The following CCSER1 variants were observed in gnomAD, a reference collection of about 807,000 sequenced individuals.
CCSER1 encodes serine-rich coiled-coil domain-containing protein 1.
CCSER1 carries 41 observed loss-of-function variants against 82.0 expected under a neutral mutation model. That is an observed-to-expected ratio of 0.50 (90% confidence interval 0.39 to 0.65). The LOEUF (loss-of-function observed/expected upper bound fraction) is 0.65, where lower values mean the gene tolerates loss of function less well. CCSER1 is among the 30% of genes least tolerant of loss of function. The probability of loss-of-function intolerance (pLI) is 0.00; values close to 1 mark genes in which losing one functional copy is unlikely to be tolerated. For missense variants in CCSER1, 1,119 were observed against 1,064.2 expected (o/e 1.05, Z -0.72); for synonymous variants, 414 against 383.9 (o/e 1.08, Z -0.92).
At chr4:91,006,991 CAT>C (rs1331456205) in intron 9 of CCSER1, among the ~76,000 whole-genome samples, 14 of 152,252 alleles carry the variant, frequency 9.2e-5, no homozygotes, top group Non-Finnish European at 1.6e-4. Context: ...CATGAGAAAA[CAT>C]AGAATTTTCT....
intron 3 of CCSER1, among the ~76,000 whole-genome samples, chr4:90,313,942 C>A (rs1267793279): frequency 6.6e-6 from 1 of 152,064 alleles, no homozygotes; most frequent in Non-Finnish European, 1.5e-5. Flanking sequence ...GAAAAATGCT[C>A]AAAAATAAAT....
chr4:91,211,565 C>A (rs891571861), intron 10 of CCSER1, among the ~76,000 whole-genome samples: 4 of 151,982 alleles, frequency 2.6e-5, no homozygotes. Context: ...AAAACCTTGA[C>A]AATTTTATTA....
chr4:90,326,055 CTTTTTTTTTT>C (rs371592827), intron 3 of CCSER1, among the ~76,000 whole-genome samples: 3 of 111,590 alleles, frequency 2.7e-5, no homozygotes, highest in African/African-American at 6.4e-5. Context: ...TATGTGATAC[CTTTTTTTTTT>C]TTTTTTTTTT....
chr4:90,642,862 A>AATACATAC (rs35839259), intron 6 of CCSER1, among the ~76,000 whole-genome samples: 1 of 151,108 alleles, frequency 6.6e-6, no homozygotes, highest in Non-Finnish European at 1.5e-5. Context: ...CTCAAAAATA[A>AATACATAC]ATACATACAT....
chr4:91,183,288 C>T (rs1460570599), intron 10 of CCSER1, among the ~76,000 whole-genome samples: 1 of 152,050 alleles, frequency 6.6e-6, no homozygotes, highest in Non-Finnish European at 1.5e-5. Context: ...ATTACAGCTA[C>T]AAGCTCCGTT....
intron 6 of CCSER1, chr4:90,649,731 T>C (rs922631431): frequency 6.6e-6 from 1 of 152,232 alleles, no homozygotes; most frequent in Non-Finnish European, 1.5e-5. Context: ...ACTAATATTT[T>C]AACTAAAGCA....
intron 10 of CCSER1, among the ~76,000 whole-genome samples, chr4:91,114,294 T>C (rs1375487722): frequency 6.6e-6 from 1 of 152,088 alleles, no homozygotes; most frequent in Non-Finnish European, 1.5e-5. Context: ...CTGTAGGGTG[T>C]ATTTACTCTG....
At chr4:91,087,377 A>G (rs993793147) in intron 10 of CCSER1, among the ~76,000 whole-genome samples, 1 of 152,096 alleles carries the variant, frequency 6.6e-6, no homozygotes, top group African/African-American at 2.4e-5. Flanking sequence ...TAAGATTTTT[A>G]TAGTTTTTAA....
intron 9 of CCSER1, among the ~76,000 whole-genome samples, chr4:90,957,248 C>CG (rs1554050079): frequency 2.1e-5 from 3 of 146,334 alleles, no homozygotes; most frequent in East Asian, 2.0e-4. Context: ...ATTACAGGCC[C>CG]CCCCCACCAC....
intron 7 of CCSER1, among the ~76,000 whole-genome samples, chr4:90,785,279 C>T (rs573815896): frequency 1.3e-5 from 2 of 152,166 alleles, no homozygotes; most frequent in East Asian, 3.9e-4. Context: ...CTCAAGCAAT[C>T]CACCCTCCTT....
chr4:91,492,556 C>A (rs1258119247), intron 10 of CCSER1, among the ~76,000 whole-genome samples: 1 of 152,062 alleles, frequency 6.6e-6, no homozygotes, highest in Non-Finnish European at 1.5e-5. Context: ...TGTGTTTTGA[C>A]TATAAACTGT....
rs527670189 is a variant in CCSER1 at position 91,349,097 on chromosome 4, C to T, written c.2218-249475C>T. Among the ~76,000 whole-genome samples, 171 of 152,140 alleles carry T rather than the reference C, an allele frequency of 1.1e-3. 2 individuals are homozygous for T. The highest frequency in any genetic ancestry group is 4.0e-3 in the African/African-American group (168 of 41,506). ...TAACTTTCTGTATTTTTAGTAGAGA[C>T]AGGGTTTCACCGTGTTAGCCAGGAT... On this transcript the variant is annotated intron_variant, in intron 10 of 10. Transcript: ENST00000509176.
At chr4:90,927,945 A>G (rs529712862) in intron 9 of CCSER1, among the ~76,000 whole-genome samples, 1 of 152,132 alleles carries the variant, frequency 6.6e-6, no homozygotes, top group East Asian at 1.9e-4. Context: ...TTGAATAACT[A>G]TCAATTAGGC....
chr4:90,830,713 G>C (rs781755730), intron 8 of CCSER1, among the ~76,000 whole-genome samples: 2 of 152,056 alleles, frequency 1.3e-5, no homozygotes, highest in Admixed American at 1.3e-4. Context: ...ACTTGAATCA[G>C]TAAAGTCCCC....
intron 6 of CCSER1, among the ~76,000 whole-genome samples, chr4:90,708,708 A>G (rs1189934797): frequency 6.6e-6 from 1 of 152,094 alleles, no homozygotes; most frequent in Non-Finnish European, 1.5e-5. Context: ...CATTTTCTTC[A>G]AGTGGTTCTT....
chr4:90,745,999 C>A (rs1240388515), intron 7 of CCSER1, among the ~76,000 whole-genome samples: 2 of 152,102 alleles, frequency 1.3e-5, no homozygotes, highest in Admixed American at 1.3e-4. Context: ...CACGCCCGGC[C>A]TCTTTTATCT....
chr4:91,307,595 A>G (rs1745161903), intron 10 of CCSER1, among the ~76,000 whole-genome samples: 1 of 151,988 alleles, frequency 6.6e-6, no homozygotes, highest in South Asian at 2.1e-4. Flanking sequence ...TTGTGGTAAA[A>G]GAATGGCACA....
chr4:90,148,196 A>G (rs1726171709), intron 1 of CCSER1, among the ~76,000 whole-genome samples: 1 of 152,198 alleles, frequency 6.6e-6, no homozygotes, highest in South Asian at 2.1e-4. Flanking sequence ...GTATGTAATT[A>G]TAATTTAAAT....
At chr4:91,292,412 C>CA (rs961677465) in intron 10 of CCSER1, among the ~76,000 whole-genome samples, 44 of 151,800 alleles carry the variant, frequency 2.9e-4, no homozygotes, top group Non-Finnish European at 5.0e-4. Flanking sequence ...AAATTATGTT[C>CA]AAATAATTTG....
Sources: gnomAD v4.1 joint callset for allele counts (sites outside exome capture counted in the v4.1 genomes callset) on GRCh38, gnomAD v4.1.1 for gene constraint, MANE v1.5 for transcripts, NCBI Gene and HGNC (gene_info 2026-07-23, HGNC 2026-07-21) for gene names.